Variants in TLK1 observed in about 807,000 individuals in gnomAD.
TLK1 encodes the protein serine/threonine-protein kinase tousled-like 1.
Under a neutral mutation model 105.3 loss-of-function variants are expected in TLK1, and 24 were observed. That is an observed-to-expected ratio of 0.23 (90% CI 0.17 to 0.32). The LOEUF is 0.32. Ranked by LOEUF, TLK1 falls within the 10% of genes least tolerant of loss-of-function variation. The pLI is 1.00. For synonymous variants in TLK1, 321 were observed against 310.4 expected (o/e 1.03, Z -0.36); for missense variants, 558 against 910.5 (o/e 0.61, Z 4.98).
intron 3 of TLK1, among the ~76,000 whole-genome samples, chr2:171,061,612 A>G (rs1327857735): frequency 6.6e-6 from 1 of 152,150 alleles, no homozygotes; most frequent in East Asian, 1.9e-4. Context: ...GATATACACA[A>G]TCCCTACTAA....
At chr2:171,139,528 A>G (rs1691480004) in intron 1 of TLK1, among the ~76,000 whole-genome samples, 1 of 152,082 alleles carries the variant, frequency 6.6e-6, no homozygotes, top group African/African-American at 2.4e-5. Context: ...TGGGAGGCAG[A>G]GGTTGCAGTG....
intron 1 of TLK1, among the ~76,000 whole-genome samples, chr2:171,212,802 T>C (rs1693643210): frequency 6.6e-6 from 1 of 152,210 alleles, no homozygotes; most frequent in Admixed American, 6.5e-5. Context: ...TTTAGCAAGA[T>C]ATTTGAGCTT....
chr2:171,182,935 A>AAAAAAGAAAGAAAGAAAGAAAG (rs1553487148), intron 1 of TLK1, among the ~76,000 whole-genome samples: 3 of 128,780 alleles, frequency 2.3e-5, no homozygotes, highest in African/African-American at 1.1e-4. Context: ...AAAAAAAAAA[A>AAAAAAGAAAGAAAGAAAGAAAG]AAAGAAAGAA....
chr2:171,191,011 A>T (rs1367821170), intron 1 of TLK1, among the ~76,000 whole-genome samples: 1 of 151,644 alleles, frequency 6.6e-6, no homozygotes, highest in Non-Finnish European at 1.5e-5. Flanking sequence ...AAATACAAAA[A>T]TTAGCTGGGC....
intron 1 of TLK1, chr2:171,159,505 G>C (rs1007525158): frequency 6.6e-6 from 1 of 152,196 alleles, no homozygotes; most frequent in Admixed American, 6.5e-5. Flanking sequence ...AATTGTAACC[G>C]ATTTGGTGCG....
intron 1 of TLK1, among the ~76,000 whole-genome samples, chr2:171,185,234 CTCA>C (rs554670235): frequency 1.1e-3 from 172 of 152,088 alleles, no homozygotes; most frequent in African/African-American, 3.9e-3. Context: ...TATTTGGGAC[CTCA>C]TCATTTCTCC....
chr2:171,191,863 T>C (rs1693161725), intron 1 of TLK1, among the ~76,000 whole-genome samples: 1 of 152,118 alleles, frequency 6.6e-6, no homozygotes, highest in Admixed American at 6.5e-5. Context: ...TTCTTTGATG[T>C]AATAAATTGA....
chr2:171,176,240 G>A (rs965388488), intron 1 of TLK1, among the ~76,000 whole-genome samples: 20 of 152,162 alleles, frequency 1.3e-4, no homozygotes, highest in Middle Eastern at 3.4e-3. Flanking sequence ...GTGCCCGGCC[G>A]GGATATCAAG....
chr2:171,160,711 G>A lies in TLK1; in HGVS notation c.-283C>T, dbSNP rs912830776. ...GGAGGAAAGGAGCGCGGCGGCGGAGGCGTCGAGGGGGTGCCAGCCGGGCCG... is the reference window on the plus strand; with the variant it reads ...GGAGGAAAGGAGCGCGGCGGCGGAGACGTCGAGGGGGTGCCAGCCGGGCCG... On this transcript the variant is annotated 5_prime_UTR_variant, in exon 1 of 21. Transcript: ENST00000431350. The surrounding 1 kb of genome is among the most constrained non-coding windows in gnomAD (Gnocchi z 4.4). The A allele has an allele frequency of 1.7e-5, 8 of 477,960 alleles. No homozygotes were observed. Among genetic ancestry groups the A allele is most frequent in the Non-Finnish European group, 2.1e-5 (6 of 281,536 alleles). The allele number at this position is 477,960 out of a possible 1,614,324, so 29.6% of individuals were successfully genotyped here. A position where few individuals can be genotyped will look rare whatever the true frequency, so the allele number is the denominator to read the frequency against.
intron 3 of TLK1, among the ~76,000 whole-genome samples, chr2:171,066,507 G>A (rs182385288): frequency 6.6e-6 from 1 of 152,228 alleles, no homozygotes; most frequent in East Asian, 1.9e-4. Context: ...ATTTACACAT[G>A]CACAGCATTC....
At chr2:171,035,047 A>G (rs184604236) in intron 11 of TLK1, among the ~76,000 whole-genome samples, 1 of 152,226 alleles carries the variant, frequency 6.6e-6, no homozygotes, top group East Asian at 1.9e-4. Flanking sequence ...GGCTTTAAAA[A>G]GGGGAGGTTC....
chr2:171,176,725 A>G (rs1692835977), intron 1 of TLK1, among the ~76,000 whole-genome samples: 1 of 151,740 alleles, frequency 6.6e-6, no homozygotes, highest in South Asian at 2.1e-4. Flanking sequence ...CCTGCCCTAC[A>G]TTGCCCTCAG....
chr2:171,072,628 C>T (rs889590898), intron 3 of TLK1, among the ~76,000 whole-genome samples: 3 of 152,054 alleles, frequency 2.0e-5, no homozygotes, highest in Admixed American at 6.6e-5. Context: ...ATTAGCCAAG[C>T]GTGGTGGTGG....
At chr2:171,214,138 C>T (rs993396897) in intron 1 of TLK1, among the ~76,000 whole-genome samples, 6 of 151,816 alleles carry the variant, frequency 4.0e-5, no homozygotes, top group African/African-American at 1.5e-4. Flanking sequence ...CCCAGGAGCT[C>T]AAGGCTGCAG....
intron 14 of TLK1, among the ~76,000 whole-genome samples, chr2:171,007,416 T>C (rs1684697492): frequency 6.6e-6 from 1 of 152,014 alleles, no homozygotes; most frequent in Non-Finnish European, 1.5e-5. Context: ...ACTGTACCAC[T>C]TTTTTTGTAG....
intron 1 of TLK1, among the ~76,000 whole-genome samples, chr2:171,203,980 G>C (rs561946885): frequency 2.0e-5 from 3 of 152,148 alleles, no homozygotes; most frequent in East Asian, 1.9e-4. Flanking sequence ...TGAACCGGTG[G>C]GGGGCAGAGC....
chr2:171,017,199 G>A (rs1685251091), intron 12 of TLK1, among the ~76,000 whole-genome samples: 1 of 152,108 alleles, frequency 6.6e-6, no homozygotes, highest in Non-Finnish European at 1.5e-5. Flanking sequence ...GTTTACCCAG[G>A]AGTATGAAAG....
chr2:171,208,217 TA>T (rs1693544006), intron 1 of TLK1, among the ~76,000 whole-genome samples: 1 of 152,242 alleles, frequency 6.6e-6, no homozygotes, highest in South Asian at 2.1e-4. Flanking sequence ...GGTATAAGAA[TA>T]GACTTTTTAT....
chr2:171,046,965 A>G (rs1686991734), intron 10 of TLK1, among the ~76,000 whole-genome samples: 1 of 152,228 alleles, frequency 6.6e-6, no homozygotes, highest in South Asian at 2.1e-4. Context: ...GGTAATGGGA[A>G]GTTGGTGTTT....
Sources: allele counts gnomAD v4.1 joint callset (sites outside exome capture counted in the v4.1 genomes callset), GRCh38; gene constraint gnomAD v4.1.1; non-coding constraint Gnocchi (gnomAD v3.1); transcripts MANE v1.5; gene names NCBI Gene and HGNC (gene_info 2026-07-23, HGNC 2026-07-21).